ZNF385D: variants seen among roughly 807,000 people sequenced by gnomAD.
ZNF385D encodes the protein zinc finger protein 385D, also known as zinc finger protein 659.
Under a neutral mutation model 35.8 loss-of-function variants are expected in ZNF385D, and 15 were observed. The ratio of observed to expected loss-of-function variants is 0.42; its 90% CI spans 0.28 to 0.64. The LOEUF is 0.64. Among genes scored for constraint, ZNF385D ranks in the 30% least tolerant of loss-of-function variants. The pLI, the probability that ZNF385D is intolerant of heterozygous loss-of-function variation, is 0.23. For synonymous variants in ZNF385D, 212 were observed against 186.8 expected (o/e 1.13, Z -1.10); for missense variants, 474 against 494.6 (o/e 0.96, Z 0.39).
chr3:22,102,682 C>T (rs999204071), intron 3 of ZNF385D, among the ~76,000 whole-genome samples: 2 of 151,912 alleles, frequency 1.3e-5, no homozygotes, highest in African/African-American at 4.8e-5. Context: ...AGAATAAAGG[C>T]CTTAACCTAT....
chr3:21,804,578 C>G (rs1182648510), intron 3 of ZNF385D, among the ~76,000 whole-genome samples: 1 of 152,106 alleles, frequency 6.6e-6, no homozygotes, highest in East Asian at 1.9e-4. Context: ...CCAGAGTGTG[C>G]AGAAAGTACA....
intron 3 of ZNF385D, among the ~76,000 whole-genome samples, chr3:21,848,047 T>C (rs184104483): frequency 2.4e-4 from 37 of 152,202 alleles, no homozygotes; most frequent in Non-Finnish European, 4.9e-4. Context: ...AGTGTGACTA[T>C]TTAAATACCT....
At chr3:21,769,125 T>C (rs2070964599) in intron 3 of ZNF385D, among the ~76,000 whole-genome samples, 1 of 152,050 alleles carries the variant, frequency 6.6e-6, no homozygotes, top group Admixed American at 6.6e-5. Flanking sequence ...TGAGATAATA[T>C]CATACTGAAT....
intron 2 of ZNF385D, among the ~76,000 whole-genome samples, chr3:22,207,842 T>C (rs531596702): frequency 3.0e-4 from 46 of 152,036 alleles, no homozygotes; most frequent in Non-Finnish European, 4.7e-4. Context: ...CCCATATCAT[T>C]GATCATCAGA....
At chr3:21,487,222 T>G (rs2125395915) in intron 4 of ZNF385D, among the ~76,000 whole-genome samples, 1 of 152,250 alleles carries the variant, frequency 6.6e-6, no homozygotes, top group East Asian at 1.9e-4. Context: ...CCTCCAGTGT[T>G]TTTTCTAACT....
At chr3:22,362,904 T>C (rs563242916) in intron 2 of ZNF385D, among the ~76,000 whole-genome samples, 27 of 152,194 alleles carry the variant, frequency 1.8e-4, no homozygotes, top group African/African-American at 6.3e-4. Context: ...CCTACTTTGT[T>C]CAAGGCACTG....
intron 3 of ZNF385D, among the ~76,000 whole-genome samples, chr3:22,070,643 G>A (rs927964664): frequency 6.6e-6 from 1 of 152,036 alleles, no homozygotes; most frequent in Non-Finnish European, 1.5e-5. Context: ...TAAGTCCAGG[G>A]TAGAGGACAT....
intron 3 of ZNF385D, among the ~76,000 whole-genome samples, chr3:21,761,452 G>A (rs532018054): frequency 1.3e-5 from 2 of 152,278 alleles, no homozygotes; most frequent in African/African-American, 4.8e-5. Context: ...ATGGCAAGGT[G>A]GTCTAGAATT....
chr3:21,815,139 A>T (rs2073090533), intron 3 of ZNF385D, among the ~76,000 whole-genome samples: 1 of 152,230 alleles, frequency 6.6e-6, no homozygotes, highest in South Asian at 2.1e-4. Context: ...AACCAATGAG[A>T]ACAAAGACAC....
At position 21,416,407 on chromosome 3, in the gene ZNF385D, G is replaced by T. The variant is rs1385709555; in HGVS notation, c.*4807C>A. On this transcript the variant is annotated 3_prime_UTR_variant, in exon 8 of 8. Transcript: ENST00000281523. ...GTCACCATTCACATTCTGGTAAGTT[G>T]TAAGTCCATTCCTGGCAGTAACAAC... 1 of 152,082 alleles carries T rather than the reference G, an allele frequency of 6.6e-6. No homozygotes were observed. Among genetic ancestry groups the T allele is most frequent in the African/African-American group, 2.4e-5 (1 of 41,414 alleles). 9.4% of individuals were successfully genotyped at this position (152,082 alleles called of 1,614,324 possible).
chr3:21,833,986 A>G (rs532730755), intron 3 of ZNF385D, among the ~76,000 whole-genome samples: 26 of 152,286 alleles, frequency 1.7e-4, no homozygotes, highest in Admixed American at 9.8e-4. Context: ...AAAATGTTAA[A>G]AAGTCCTTTT....
intron 3 of ZNF385D, among the ~76,000 whole-genome samples, chr3:22,115,832 C>T (rs1315090212): frequency 6.6e-6 from 1 of 152,022 alleles, no homozygotes. Flanking sequence ...AAGGTTTAAC[C>T]TACTAAGAAA....
At chr3:21,765,634 C>G (rs1260415068) in intron 3 of ZNF385D, among the ~76,000 whole-genome samples, 1 of 124,644 alleles carries the variant, frequency 8.0e-6, no homozygotes, top group Non-Finnish European at 1.8e-5. Flanking sequence ...GATGGATAAG[C>G]AACAACAACA....
intron 3 of ZNF385D, among the ~76,000 whole-genome samples, chr3:21,774,491 G>A (rs1220286610): frequency 6.6e-6 from 1 of 151,882 alleles, no homozygotes; most frequent in East Asian, 1.9e-4. Flanking sequence ...CTTTAAAAAT[G>A]GAGGCCAATG....
chr3:22,350,972 T>C (rs1296357958), intron 2 of ZNF385D, among the ~76,000 whole-genome samples: 1 of 152,038 alleles, frequency 6.6e-6, no homozygotes, highest in East Asian at 1.9e-4. Context: ...TACCTTAAGA[T>C]ATCATAATTA....
intron 3 of ZNF385D, among the ~76,000 whole-genome samples, chr3:21,916,505 A>G (rs1700198925): frequency 6.6e-6 from 1 of 152,204 alleles, no homozygotes. Flanking sequence ...AAAAATCCAC[A>G]TATTTCTATA....
At chr3:21,623,279 C>G (rs1219313675) in intron 2 of ZNF385D, among the ~76,000 whole-genome samples, 2 of 152,076 alleles carry the variant, frequency 1.3e-5, no homozygotes, top group African/African-American at 2.4e-5. Context: ...TATCGTAAGT[C>G]ATAAAATGAT....
intron 3 of ZNF385D, among the ~76,000 whole-genome samples, chr3:22,123,174 G>GGAAGA (rs1011609342): frequency 2.6e-5 from 4 of 152,016 alleles, no homozygotes; most frequent in Non-Finnish European, 4.4e-5. Context: ...GAGACAGGAT[G>GGAAGA]GAAGAGAAGA....
chr3:22,190,599 G>A (rs1695951785), intron 2 of ZNF385D, among the ~76,000 whole-genome samples: 1 of 152,162 alleles, frequency 6.6e-6, no homozygotes, highest in Admixed American at 6.6e-5. Context: ...CTAACCTAGT[G>A]ATATGGGACA....
Sources: gnomAD v4.1 joint callset for allele counts (sites outside exome capture counted in the v4.1 genomes callset) on GRCh38, gnomAD v4.1.1 for gene constraint, MANE v1.5 for transcripts, NCBI Gene and HGNC (gene_info 2026-07-23, HGNC 2026-07-21) for gene names.